The following NT5DC1 variants were observed in gnomAD, a reference collection of about 807,000 sequenced individuals.
NT5DC1 encodes 5'-nucleotidase domain-containing protein 1.
NT5DC1 carries 42 observed loss-of-function variants against 59.4 expected under a neutral mutation model. The observed-to-expected ratio is 0.71, with a 90% CI of 0.55 to 0.92. The LOEUF (loss-of-function observed/expected upper bound fraction) is 0.92, where lower values mean the gene tolerates loss of function less well. NT5DC1 is among the 40% of genes least tolerant of loss of function. NT5DC1 has a pLI of 0.00. For missense variants in NT5DC1, 501 were observed against 537.1 expected, an observed-to-expected ratio of 0.93 and a Z score of 0.66; for synonymous variants, 172 against 188.1, an observed-to-expected ratio of 0.91 and a Z score of 0.70.
At position 116,125,429 on chromosome 6, in the gene NT5DC1, C is replaced by T. The variant is rs767889462; in HGVS notation, c.529+7484C>T. 3.3e-5 allele frequency: 54 copies of T among 1,613,582 alleles called. No homozygotes were observed. The highest frequency in any genetic ancestry group is 2.4e-4 in the South Asian group (22 of 91,070). On this transcript the variant is annotated intron_variant, in intron 6 of 11. Coordinates refer to ENST00000319550, the MANE Select transcript of NT5DC1 (RefSeq NM_152729.3). ...CCTGTGGGCATTTGGTATCGTTCAG[C>T]GTAAAACACTCCATGAACCAAGTTC...
chr6:116,214,725 A>G (rs769401415), intron 6 of NT5DC1, among the ~76,000 whole-genome samples: 1 of 152,132 alleles, frequency 6.6e-6, no homozygotes, highest in Non-Finnish European at 1.5e-5. Flanking sequence ...ATGCAAAGAC[A>G]TTTTAGAGGA....
chr6:116,223,284 G>A (rs1475385765), intron 8 of NT5DC1, among the ~76,000 whole-genome samples, 153 bp downstream of exon 8: 1 of 152,100 alleles, frequency 6.6e-6, no homozygotes, highest in Non-Finnish European at 1.5e-5. Flanking sequence ...TTATGCTACC[G>A]CTTTATATCA....
At chr6:116,222,263 G>A (rs556546231) in intron 7 of NT5DC1, among the ~76,000 whole-genome samples, 1 of 152,158 alleles carries the variant, frequency 6.6e-6, no homozygotes, top group East Asian at 1.9e-4. Flanking sequence ...TATCCTAGTA[G>A]TGGGCCCATG....
intron 6 of NT5DC1, among the ~76,000 whole-genome samples, chr6:116,123,174 G>T (rs1437662522): frequency 1.3e-5 from 2 of 152,178 alleles, no homozygotes; most frequent in Non-Finnish European, 2.9e-5. Context: ...GTCTTAGTCT[G>T]ATTGGAAATC....
chr6:116,210,286 A>G (rs1053161713), intron 6 of NT5DC1, among the ~76,000 whole-genome samples: 4 of 151,984 alleles, frequency 2.6e-5, no homozygotes, highest in Non-Finnish European at 5.9e-5. Flanking sequence ...TGATTTGTCA[A>G]AATTTATCCA....
chr6:116,167,206 A>ATTTTTTT (rs61348980), intron 6 of NT5DC1, among the ~76,000 whole-genome samples: 4 of 87,794 alleles, frequency 4.6e-5, no homozygotes, highest in Admixed American at 1.5e-4. Context: ...CAAATAGAAG[A>ATTTTTTT]TTTTTTTTTT....
At chr6:116,241,538 CAA>C (rs1357889822) in intron 11 of NT5DC1, among the ~76,000 whole-genome samples, 1 of 152,066 alleles carries the variant, frequency 6.6e-6, no homozygotes, top group Non-Finnish European at 1.5e-5. Flanking sequence ...AAATAACTCT[CAA>C]GAGAATTGTG....
intron 6 of NT5DC1, among the ~76,000 whole-genome samples, chr6:116,196,329 TGCATTGCTCTAACTACAGCA>T: frequency 6.6e-6 from 1 of 152,204 alleles, no homozygotes; most frequent in African/African-American, 2.4e-5. Flanking sequence ...TTTGAATTTT[TGCATTGCTCTAACTACAGCA>T]ACAAAATATA....
At chr6:116,108,300 GGTT>G in intron 2 of NT5DC1, 61 bp from the exon 3 acceptor site, 1 of 985,562 alleles carries the variant, frequency 1.0e-6, no homozygotes. Flanking sequence ...GGAAAATATA[GGTT>G]GTTATTTCTT....
In NT5DC1 at chr6:116,238,978, T is replaced by C; in HGVS notation, c.1107T>C (p.Asn369=). The C allele has an allele frequency of 1.9e-6, 3 of 1,604,498 alleles. No individual in the cohort carries two copies. The highest frequency in any genetic ancestry group is 2.6e-6 in the Non-Finnish European group (3 of 1,171,790). ...AGGGACCAAAAGCAAAACCTTTAAA[T>C]ACTTCATCTAAAAAATGGGGCTCTT... ...KYEGPKAKPL[N]TSSKKWGSFF... Residue 369 remains asparagine (N), a synonymous_variant, in exon 11 of 12, where the codon AAT becomes AAC. Transcript: ENST00000319550.
chr6:116,191,065 AG>A (rs1781106377), intron 6 of NT5DC1, among the ~76,000 whole-genome samples: 4 of 152,048 alleles, frequency 2.6e-5, no homozygotes, highest in Admixed American at 2.6e-4. Context: ...TTAGAACTAC[AG>A]CCAACACCCG....
chr6:116,146,385 T>A lies in NT5DC1; in HGVS notation c.529+28440T>A, dbSNP rs193230454. ...CATACTCTGACCTCCCAACTTCAGA[T>A]AAAAGGGGTAAGAAGGAATTTCTCA... is the stretch of plus-strand genomic sequence containing the variant. On this transcript the variant is annotated intron_variant, in intron 6 of 11. Transcript: ENST00000319550. 5.1e-4 allele frequency among the ~76,000 whole-genome samples: 77 copies of A among 152,194 alleles called. 1 individual carries two copies. The highest frequency in any genetic ancestry group is 1.6e-3 in the African/African-American group (66 of 41,536).
rs886060991 is a variant in NT5DC1, at chr6:116,120,696, G to A, written c.529+2751G>A. Reference sequence around the variant, plus strand: ...GTTGCTATGCCAGCTGGGCCAGGAGGACCGGGACTTCCTGGATCCCCTTTA... The same window carrying A: ...GTTGCTATGCCAGCTGGGCCAGGAGAACCGGGACTTCCTGGATCCCCTTTA... On this transcript the variant is annotated intron_variant, in intron 6 of 11. Coordinates refer to ENST00000319550, the MANE Select transcript of NT5DC1 (RefSeq NM_152729.3). 2.6e-5 allele frequency: 40 copies of A among 1,553,230 alleles called. No individual in the cohort carries two copies. The highest frequency in any genetic ancestry group is 3.4e-5 in the Non-Finnish European group (39 of 1,156,380).
At chr6:116,135,532 T>C (rs1051361916) in intron 6 of NT5DC1, among the ~76,000 whole-genome samples, 3 of 151,898 alleles carry the variant, frequency 2.0e-5, no homozygotes, top group African/African-American at 7.3e-5. Context: ...TTTTTCTCAT[T>C]AAAATCTTAG....
At chr6:116,126,988 A>C (rs375104506) in intron 6 of NT5DC1, among the ~76,000 whole-genome samples, 2 of 152,160 alleles carry the variant, frequency 1.3e-5, no homozygotes, top group Non-Finnish European at 2.9e-5. Flanking sequence ...GAAGCCTTTA[A>C]AATCAGTTTT....
intron 6 of NT5DC1, among the ~76,000 whole-genome samples, chr6:116,150,218 A>G (rs956400634): frequency 1.3e-5 from 2 of 152,146 alleles, no homozygotes; most frequent in African/African-American, 4.8e-5. Flanking sequence ...TCACATGGAG[A>G]GCATGCTGAG....
At position 116,115,750 on chromosome 6, in the gene NT5DC1, G is replaced by C; in HGVS notation, c.424G>C (p.Val142Leu). The change falls in exon 5 of 12, where the codon GTG (valine) becomes CTG (leucine). Residue 142 changes from valine to leucine, a missense_variant. By Grantham distance (32) the Val-to-Leu change is conservative. Coordinates refer to ENST00000319550, the MANE Select transcript of NT5DC1 (RefSeq NM_152729.3). ...GCCAGGAGCTCTTCTGTGTGCCAGGGTGGTGGACTATTTAACAAAAGTAAG... is the reference window on the plus strand; with the variant it reads ...GCCAGGAGCTCTTCTGTGTGCCAGGCTGGTGGACTATTTAACAAAAGTAAG... Reference protein sequence around the residue: ...DLPGALLCARVVDYLTKLNNG... With the variant: ...DLPGALLCARLVDYLTKLNNG... 6.3e-7 allele frequency: 1 copy of C among 1,590,648 alleles called. No homozygotes were observed. Among genetic ancestry groups the C allele is most frequent in the Non-Finnish European group, 8.6e-7 (1 of 1,158,814 alleles).
chr6:116,245,619 T>A lies in NT5DC1; in HGVS notation c.*1595T>A, dbSNP rs551241309. ...ATAAATAATCAAGCTTAGGACTAAA[T>A]GAAAGATACTATCTCATGTATGCTT... On this transcript the variant is annotated 3_prime_UTR_variant, in exon 12 of 12. Transcript: ENST00000319550. 3.9e-5 allele frequency: 6 copies of A among 152,328 alleles called. No individual in the cohort carries two copies. The highest frequency in any genetic ancestry group is 1.2e-4 in the African/African-American group (5 of 41,566). The allele number at this position is 152,328 out of a possible 1,614,324, so 9.4% of individuals were successfully genotyped here.
At position 116,125,199 on chromosome 6, in the gene NT5DC1, C is replaced by T. The variant is rs371468765; in HGVS notation, c.529+7254C>T. 53 of 848,400 alleles carry T rather than the reference C, an allele frequency of 6.2e-5. 1 individual carries two copies. In the East Asian group the frequency reaches 8.0e-4, roughly 13 times the overall value. 52.6% of individuals were successfully genotyped at this position (848,400 alleles called of 1,614,324 possible). ...TTCTTGTTCTACTTTTTTCACAGAT[C>T]ACTTTGTTGTAATAATTTGGGCTAA... On this transcript the variant is annotated intron_variant, in intron 6 of 11. Transcript: ENST00000319550.
Sources: allele counts gnomAD v4.1 joint callset (sites outside exome capture counted in the v4.1 genomes callset), GRCh38; gene constraint gnomAD v4.1.1; transcripts MANE v1.5; gene names NCBI Gene and HGNC (gene_info 2026-07-23, HGNC 2026-07-21).